PDCD6IP: variants seen among roughly 807,000 people sequenced by gnomAD.
PDCD6IP encodes the protein programmed cell death 6 interacting protein.
A neutral mutation model predicts 103.7 loss-of-function variants in PDCD6IP; 43 were observed. The observed-to-expected ratio is 0.41, with a 90% CI of 0.32 to 0.53. PDCD6IP has a LOEUF of 0.53. PDCD6IP is among the 20% of genes least tolerant of loss of function. PDCD6IP has a pLI of 0.16. For synonymous variants in PDCD6IP, 354 were observed against 378.7 expected, an observed-to-expected ratio of 0.93 and a Z score of 0.76; for missense variants, 871 against 1,036.7, an observed-to-expected ratio of 0.84 and a Z score of 2.20.
In PDCD6IP at chr3:33,825,209, A is replaced by G; in HGVS notation, c.485A>G (p.His162Arg). The G allele has an allele frequency of 6.2e-7, 1 of 1,611,286 alleles. No homozygotes were observed. Among genetic ancestry groups the G allele is most frequent in the South Asian group, 1.1e-5 (1 of 90,060 alleles). ...HYQFASGAFL[H>R]IKETVLSALS... Reference sequence around the variant, plus strand: ...TAGTTTGCTAGTGGTGCCTTTTTACATATTAAAGAGACGGTTTTATCTGCC... The same window carrying G: ...TAGTTTGCTAGTGGTGCCTTTTTACGTATTAAAGAGACGGTTTTATCTGCC... Residue 162 changes from histidine to arginine, a missense_variant, in exon 5 of 18, where the codon CAT (histidine) becomes CGT (arginine). By Grantham distance (29) the His-to-Arg change is conservative. Transcript: ENST00000307296.
Position 33,856,574 on chromosome 3 carries a change from C to G in PDCD6IP, c.2120+1314C>G, listed in dbSNP as rs1476840259. Reference sequence around the variant, plus strand: ...TATTTAACGTTCTGTAAACAGAACACTTATTTAATGATACTCAAGAACATT... The same window carrying G: ...TATTTAACGTTCTGTAAACAGAACAGTTATTTAATGATACTCAAGAACATT... On this transcript the variant is annotated intron_variant, in intron 15 of 17. Transcript: ENST00000307296. Among the ~76,000 whole-genome samples the G allele has an allele frequency of 2.6e-5, 4 of 152,212 alleles. No homozygotes were observed. In the East Asian group the frequency reaches 7.7e-4, roughly 29 times the overall value.
At chr3:33,825,723 A>G (rs1697106491) in intron 5 of PDCD6IP, among the ~76,000 whole-genome samples, 1 of 152,248 alleles carries the variant, frequency 6.6e-6, no homozygotes, top group African/African-American at 2.4e-5. Flanking sequence ...GACGGGAGAG[A>G]TGATAAGCAA....
intron 7 of PDCD6IP, chr3:33,835,188 A>C (rs1480332644): frequency 1.1e-5 from 5 of 446,254 alleles, no homozygotes; most frequent in African/African-American, 4.0e-5. Flanking sequence ...GGCCAAACTT[A>C]AAAAAAAATT....
At position 33,852,719 on chromosome 3, in the gene PDCD6IP, C is replaced by T. The variant is rs758685492; in HGVS notation, c.1873C>T (p.Leu625Phe). Reference sequence around the variant, plus strand: ...AGAATCTCTAAAGAAACAGGAGGGACTTCTTAAAAATATTCAGGTGAAATT... The same window carrying T: ...AGAATCTCTAAAGAAACAGGAGGGATTTCTTAAAAATATTCAGGTGAAATT... The part of the protein sequence containing the change: ...VQESLKKQEG[L>F]LKNIQVSHQE... Residue 625 changes from leucine to phenylalanine, a missense_variant, in exon 13 of 18, where the codon CTT (leucine) becomes TTT (phenylalanine). Leu to Phe is a conservative substitution (Grantham distance 22, BLOSUM62 0). This residue lies in a region of PDCD6IP where 266 missense variants were observed against 390.5 expected (regional missense o/e 0.68). Transcript: ENST00000307296. 16 of 1,580,036 alleles carry T rather than the reference C, an allele frequency of 1.0e-5. No individual in the cohort carries two copies. The highest frequency in any genetic ancestry group is 1.7e-6 in the Non-Finnish European group (2 of 1,170,414).
In PDCD6IP at chr3:33,812,125, A is replaced by G. The variant is rs1325568224; in HGVS notation, c.263A>G (p.Gln88Arg). The G allele has an allele frequency of 6.2e-7, 1 of 1,601,106 alleles. No homozygotes were observed. The highest frequency in any genetic ancestry group is 8.5e-7 in the Non-Finnish European group (1 of 1,173,812). Residue 88 changes from glutamine to arginine, a missense_variant and splice_region_variant, in exon 2 of 18, where the codon CAG becomes CGG. Physicochemically the swap from Gln to Arg is conservative, Grantham distance 43 (BLOSUM62 1). Around this residue, in one of 5 missense-constraint regions of PDCD6IP, gnomAD observed 47 missense variants for 83.7 expected, o/e 0.56. Coordinates refer to ENST00000307296, the MANE Select transcript of PDCD6IP (RefSeq NM_013374.6). ...IEPKFPFSENQICLTFTWKDA... is the reference protein window; with the variant it reads ...IEPKFPFSENRICLTFTWKDA... ...CCCAAATTCCCATTTTCTGAAAATC[A>G]GGTAAGTCATTAATTCTGTCTTAAA...
intron 1 of PDCD6IP, among the ~76,000 whole-genome samples, chr3:33,810,159 A>G (rs1258370851): frequency 6.6e-6 from 1 of 152,204 alleles, no homozygotes; most frequent in East Asian, 1.9e-4. Context: ...AGAATTAGAT[A>G]TTATACTCTG....
rs1445043329 is a variant in PDCD6IP, at chr3:33,850,291, A to AT, written c.1642-2190dup. ...TGTTTTTTATTTTCTATGTAATTAC[A>AT]TTTTTTTATGTAATTACGTTTCACT... is the stretch of plus-strand genomic sequence containing the variant. On this transcript the variant is annotated intron_variant, in intron 12 of 17. Coordinates refer to ENST00000307296, the MANE Select transcript of PDCD6IP (RefSeq NM_013374.6). Among the ~76,000 whole-genome samples, 6 of 152,126 alleles carry AT rather than the reference A, an allele frequency of 3.9e-5. No individual in the cohort carries two copies. The South Asian group carries it at 1.0e-3, about 26-fold the overall frequency.
intron 13 of PDCD6IP, 55 bp downstream of exon 13, chr3:33,852,791 G>A: frequency 1.3e-6 from 2 of 1,514,042 alleles, no homozygotes; most frequent in South Asian, 2.8e-5. Flanking sequence ...GAAAAGATAT[G>A]TCTGGACTAA....
chr3:33,841,946 G>C lies in PDCD6IP; in HGVS notation c.1231G>C (p.Asp411His). 1 of 1,580,844 alleles carries C rather than the reference G, an allele frequency of 6.3e-7. No individual in the cohort carries two copies. The highest frequency in any genetic ancestry group is 1.7e-5 in the Admixed American group (1 of 59,014). The change falls in exon 10 of 18, where the codon GAC (aspartate) becomes CAC (histidine). Residue 411 changes from aspartate to histidine, a missense_variant. Around this residue, in one of 5 missense-constraint regions of PDCD6IP, gnomAD observed 266 missense variants for 390.5 expected, o/e 0.68. Transcript: ENST00000307296. ...LPAAIEDVSG[D>H]TVPQSILTKS... is the part of the protein sequence containing the mutation. ...AGCAGCAATTGAAGATGTGTCTGGAGACACTGTACCTCAGTCTATATTGAC... is the reference window on the plus strand; with the variant it reads ...AGCAGCAATTGAAGATGTGTCTGGACACACTGTACCTCAGTCTATATTGAC...
chr3:33,838,190 C>T lies in PDCD6IP; in HGVS notation c.1058-14C>T, dbSNP rs754273087. 23 of 1,610,058 alleles carry T rather than the reference C, an allele frequency of 1.4e-5. 1 individual carries two copies. In the South Asian group the frequency reaches 2.0e-4, roughly 14 times the overall value. On this transcript the variant is annotated splice_polypyrimidine_tract_variant and intron_variant, in intron 8 of 17. Coordinates refer to ENST00000307296, the MANE Select transcript of PDCD6IP (RefSeq NM_013374.6). ...GTCTAAAAATTTTGTTGTAATTTCTCTTCCTAATTTTAGATCTGTTTGAGA... is the reference window on the plus strand; with the variant it reads ...GTCTAAAAATTTTGTTGTAATTTCTTTTCCTAATTTTAGATCTGTTTGAGA...
chr3:33,805,147 G>C (rs1197756124), intron 1 of PDCD6IP, among the ~76,000 whole-genome samples: 10 of 152,046 alleles, frequency 6.6e-5, no homozygotes, highest in Admixed American at 5.9e-4. Flanking sequence ...ACGAGGTCAG[G>C]AGTTCGAGAT....
chr3:33,803,109 G>T (rs985639245), intron 1 of PDCD6IP, among the ~76,000 whole-genome samples: 3 of 152,072 alleles, frequency 2.0e-5, no homozygotes, highest in African/African-American at 7.3e-5. Flanking sequence ...CCATGTTCAT[G>T]TACATCTTTT....
chr3:33,838,786 ATATT>A (rs1405571804), intron 9 of PDCD6IP, among the ~76,000 whole-genome samples: 8 of 151,120 alleles, frequency 5.3e-5, no homozygotes, highest in Non-Finnish European at 2.9e-5. Flanking sequence ...GTATATATAT[ATATT>A]TATGTATATA....
At chr3:33,806,358 G>A (rs1696598051) in intron 1 of PDCD6IP, among the ~76,000 whole-genome samples, 1 of 152,074 alleles carries the variant, frequency 6.6e-6, no homozygotes, top group Non-Finnish European at 1.5e-5. Context: ...TTTAGGAAAG[G>A]TTCAGAGAAA....
intron 1 of PDCD6IP, among the ~76,000 whole-genome samples, chr3:33,805,334 G>A (rs1246246771): frequency 4.1e-5 from 6 of 148,148 alleles, no homozygotes; most frequent in Middle Eastern, 3.4e-3. Flanking sequence ...TAGCCTGGGC[G>A]ACAGAGTGAG....
At chr3:33,836,802 T>C (rs1472265336) in intron 8 of PDCD6IP, among the ~76,000 whole-genome samples, 2 of 151,786 alleles carry the variant, frequency 1.3e-5, no homozygotes, top group African/African-American at 4.8e-5. Flanking sequence ...GAGGTTGCAG[T>C]GAGCTGAGAC....
At chr3:33,817,926 C>G (rs1044640333) in intron 3 of PDCD6IP, among the ~76,000 whole-genome samples, 2 of 151,652 alleles carry the variant, frequency 1.3e-5, no homozygotes, top group African/African-American at 4.8e-5. Flanking sequence ...GATAAAATAG[C>G]TCTTATATGT....
At chr3:33,858,727 G>A (rs1206566393) in intron 15 of PDCD6IP, among the ~76,000 whole-genome samples, 2 of 152,006 alleles carry the variant, frequency 1.3e-5, no homozygotes, top group East Asian at 1.9e-4. Context: ...GGAGAATGGC[G>A]TGAACCCGGG....
At position 33,855,159 on chromosome 3, in the gene PDCD6IP, C is replaced by T; in HGVS notation, c.2026-7C>T. On this transcript the variant is annotated splice_polypyrimidine_tract_variant and splice_region_variant and intron_variant, in intron 14 of 17. Coordinates refer to ENST00000307296, the MANE Select transcript of PDCD6IP (RefSeq NM_013374.6). ...GTTCCTTACTTGTATTTGTTCTTTG[C>T]TTATAGTTTTACAATGAGTTGACTG... 1 of 1,572,444 alleles carries T rather than the reference C, an allele frequency of 6.4e-7. No individual in the cohort carries two copies. The highest frequency in any genetic ancestry group is 2.2e-5 in the East Asian group (1 of 44,532).
Sources: allele counts gnomAD v4.1 joint callset (sites outside exome capture counted in the v4.1 genomes callset), GRCh38; gene constraint gnomAD v4.1.1; regional missense constraint gnomAD v4.1.1; transcripts MANE v1.5; gene names NCBI Gene and HGNC (gene_info 2026-07-23, HGNC 2026-07-21).